MYO10: variants seen among roughly 807,000 people sequenced by gnomAD.
MYO10 encodes the protein myosin X, also known as unconventional myosin-X.
Under a neutral mutation model 257.3 loss-of-function variants are expected in MYO10, and 133 were observed. The observed-to-expected ratio is 0.52, with a 90% CI of 0.45 to 0.60. MYO10 has a LOEUF of 0.60. Among genes scored for constraint, MYO10 ranks in the 20% least tolerant of loss-of-function variants. The pLI is 0.00. For missense variants in MYO10, 2,399 were observed against 2,635.7 expected (o/e 0.91, Z 1.97); for synonymous variants, 1,104 against 1,028.6 (o/e 1.07, Z -1.40).
intron 28 of MYO10, among the ~76,000 whole-genome samples, chr5:16,686,988 A>G (rs912429602): frequency 6.6e-6 from 1 of 152,136 alleles, no homozygotes; most frequent in East Asian, 1.9e-4. Context: ...TTTATTTCAA[A>G]TGAGTACTCT....
intron 6 of MYO10, 109 bp from the exon 7 acceptor site, chr5:16,780,850 G>A (rs999334814): frequency 1.5e-5 from 17 of 1,157,708 alleles, no homozygotes; most frequent in Middle Eastern, 2.9e-4. Flanking sequence ...ACAGTTCCCT[G>A]TTCCTTTGAC....
rs367966586 is a variant in MYO10 at position 16,761,530 on chromosome 5, C to T, written c.1673G>A (p.Arg558Gln). Reference protein sequence around the residue: ...HYAGEVQYDVRGILEKNRDTF... With the variant: ...HYAGEVQYDVQGILEKNRDTF... ...ATCTCTGTTCTTCTCCAAGATACCTCGGACATCATATTGCACCTAGTTTTA... is the reference window on the plus strand; with the variant it reads ...ATCTCTGTTCTTCTCCAAGATACCTTGGACATCATATTGCACCTAGTTTTA... Residue 558 changes from arginine (R) to glutamine (Q), a missense_variant, in exon 17 of 41, where the codon CGA (arginine) becomes CAA (glutamine). By Grantham distance (43) the Arg-to-Gln change is conservative. Around this residue, in one of 3 missense-constraint regions of MYO10, gnomAD observed 337 missense variants for 446.8 expected, o/e 0.75. Transcript: ENST00000513610. 3.0e-5 allele frequency: 49 copies of T among 1,611,872 alleles called. No homozygotes were observed. The highest frequency in any genetic ancestry group is 3.8e-5 in the Non-Finnish European group (45 of 1,178,942).
At chr5:16,673,224 T>G (rs1381467146) in intron 36 of MYO10, among the ~76,000 whole-genome samples, 182 of 120,856 alleles carry the variant, frequency 1.5e-3, no homozygotes, top group African/African-American at 2.3e-3. Flanking sequence ...CCTTGGGGGG[T>G]GGGGGTCGGG....
chr5:16,822,757 G>C (rs112922550), intron 2 of MYO10, among the ~76,000 whole-genome samples: 1 of 150,270 alleles, frequency 6.7e-6, no homozygotes, highest in South Asian at 2.1e-4. Context: ...GCACAATCTC[G>C]GCTCACCGCA....
intron 19 of MYO10, among the ~76,000 whole-genome samples, chr5:16,748,613 A>G (rs10072358): frequency 7.0e-4 from 55 of 78,808 alleles, no homozygotes; most frequent in African/African-American, 3.8e-3. Flanking sequence ...AAAGAGGGAG[A>G]GAGGGAGAGA....
At chr5:16,847,324 TG>T (rs1242557752) in intron 2 of MYO10, among the ~76,000 whole-genome samples, 1 of 150,794 alleles carries the variant, frequency 6.6e-6, no homozygotes, top group Non-Finnish European at 1.5e-5. Context: ...CTCAGGAGGC[TG>T]AGGCAGGAGA....
At chr5:16,783,270 TTAAA>T in intron 5 of MYO10, 61 bp downstream of exon 5, 2 of 1,439,616 alleles carry the variant, frequency 1.4e-6, no homozygotes, top group South Asian at 2.8e-5. Context: ...TAACTCTTCT[TTAAA>T]TAAGCCATAC....
intron 21 of MYO10, chr5:16,710,705 G>C: frequency 1.7e-6 from 1 of 584,438 alleles, no homozygotes; most frequent in Non-Finnish European, 3.1e-6. Context: ...ATGAAACAGA[G>C]TCCCTGACAA....
chr5:16,890,154 C>T (rs1243547491), intron 1 of MYO10, among the ~76,000 whole-genome samples: 1 of 151,754 alleles, frequency 6.6e-6, no homozygotes, highest in Non-Finnish European at 1.5e-5. Flanking sequence ...ATATCGAAAA[C>T]AAATTTTTTT....
intron 27 of MYO10, among the ~76,000 whole-genome samples, chr5:16,693,853 G>C (rs1368640583): frequency 3.3e-5 from 5 of 152,148 alleles, no homozygotes; most frequent in African/African-American, 1.2e-4. Context: ...CAGAAAAGGG[G>C]GCATGTTGGA....
At chr5:16,912,841 CA>C (rs1745702449) in intron 1 of MYO10, among the ~76,000 whole-genome samples, 1 of 151,396 alleles carries the variant, frequency 6.6e-6, no homozygotes, top group African/African-American at 2.4e-5. Flanking sequence ...CACACACACA[CA>C]CACACACCAT....
chr5:16,900,744 G>GTTTTTTTTT lies in MYO10; in HGVS notation c.22-23046_22-23038dup, dbSNP rs374195788. On this transcript the variant is annotated intron_variant, in intron 1 of 40. Coordinates refer to ENST00000513610, the MANE Select transcript of MYO10 (RefSeq NM_012334.3). ...AAAAGTACACACCTCCCTAAATCTT[G>GTTTTTTTTT]TTTTTTTTTTTTTGAGACAGAGTCT... Among the ~76,000 whole-genome samples, 334 of 132,722 alleles carry GTTTTTTTTT rather than the reference G, an allele frequency of 2.5e-3. 9 individuals are homozygous for GTTTTTTTTT. Among genetic ancestry groups the GTTTTTTTTT allele is most frequent in the African/African-American group, 9.2e-3 (321 of 34,846 alleles). 87.1% of individuals were successfully genotyped at this position (132,722 alleles called of 152,430 possible).
chr5:16,667,643 C>G (rs1736236536), intron 40 of MYO10, among the ~76,000 whole-genome samples: 1 of 151,700 alleles, frequency 6.6e-6, no homozygotes, highest in South Asian at 2.1e-4. Flanking sequence ...ATGCCACATC[C>G]TCCAAGCAGC....
chr5:16,838,748 C>G (rs976175010), intron 2 of MYO10, among the ~76,000 whole-genome samples: 12 of 152,200 alleles, frequency 7.9e-5, no homozygotes, highest in Admixed American at 4.6e-4. Context: ...AAAGGACACA[C>G]AGACTCTCTT....
chr5:16,778,551 AC>A (rs1741295494), intron 9 of MYO10, among the ~76,000 whole-genome samples: 2 of 151,994 alleles, frequency 1.3e-5, no homozygotes, highest in Non-Finnish European at 2.9e-5. Flanking sequence ...TGACGTACGC[AC>A]TGGGGGAAGT....
intron 2 of MYO10, among the ~76,000 whole-genome samples, chr5:16,874,763 A>G (rs893123308): frequency 1.3e-5 from 2 of 152,166 alleles, no homozygotes; most frequent in African/African-American, 4.8e-5. Context: ...AAACTGTTCC[A>G]ACCTCTGCCT....
intron 2 of MYO10, among the ~76,000 whole-genome samples, chr5:16,848,393 G>C (rs62370982): frequency 0.19 from 28,424 of 151,814 alleles, 2,787 homozygotes; most frequent in East Asian, 0.27. Context: ...CTCCTGACTT[G>C]AGGTGATCCG....
intron 1 of MYO10, among the ~76,000 whole-genome samples, chr5:16,935,036 T>A (rs1407542764): frequency 6.6e-6 from 1 of 152,132 alleles, no homozygotes; most frequent in Non-Finnish European, 1.5e-5. Context: ...GAAACCACAG[T>A]AAGTCTCGAT....
At chr5:16,681,606 G>C in intron 31 of MYO10, 103 bp from the exon 32 acceptor site, 2 of 1,278,132 alleles carry the variant, frequency 1.6e-6, no homozygotes, top group Non-Finnish European at 2.2e-6. Flanking sequence ...GTTTCTAGCT[G>C]TTTGCCAGAA....
Sources: allele counts gnomAD v4.1 joint callset (sites outside exome capture counted in the v4.1 genomes callset), GRCh38; gene constraint gnomAD v4.1.1; regional missense constraint gnomAD v4.1.1; transcripts MANE v1.5; gene names NCBI Gene and HGNC (gene_info 2026-07-23, HGNC 2026-07-21).